Variants in CADPS2 observed in about 807,000 individuals in gnomAD.
CADPS2 encodes the protein calcium dependent secretion activator 2.
Under a neutral mutation model 172.5 loss-of-function variants are expected in CADPS2, and 93 were observed. The ratio of observed to expected loss-of-function variants is 0.54; its 90% CI spans 0.46 to 0.64. The LOEUF (loss-of-function observed/expected upper bound fraction) is 0.64. Ranked by LOEUF, CADPS2 falls within the 30% of genes least tolerant of loss-of-function variation. The pLI is 0.00. For synonymous variants in CADPS2, 546 were observed against 555.2 expected (o/e 0.98, Z 0.23); for missense variants, 1,420 against 1,565.9 (o/e 0.91, Z 1.57).
At chr7:122,523,695 C>T (rs2060990215) in intron 8 of CADPS2, among the ~76,000 whole-genome samples, 1 of 152,090 alleles carries the variant, frequency 6.6e-6, no homozygotes, top group Admixed American at 6.6e-5. Context: ...CCACAGGAGG[C>T]ATATTTCATA....
chr7:122,611,351 C>T lies in CADPS2; in HGVS notation c.1223+3830G>A, dbSNP rs555926990. On this transcript the variant is annotated intron_variant, in intron 6 of 29. Coordinates refer to ENST00000449022, the MANE Select transcript of CADPS2 (RefSeq NM_017954.11). The stretch of plus-strand genomic sequence containing the variant: ...GAAAGGCTATTCAAATTACTAGAAT[C>T]GGAAACGGAAAAGAGGACATTATTA... Among the ~76,000 whole-genome samples, 223 of 151,934 alleles carry T rather than the reference C, an allele frequency of 1.5e-3. 1 individual carries two copies. The highest frequency in any genetic ancestry group is 0.014 in the Middle Eastern group (4 of 294).
intron 14 of CADPS2, among the ~76,000 whole-genome samples, chr7:122,463,144 A>G (rs1228301101): frequency 6.6e-6 from 1 of 151,400 alleles, no homozygotes; most frequent in African/African-American, 2.4e-5. Flanking sequence ...CCTAAAGAAT[A>G]CATATATTTT....
intron 2 of CADPS2, among the ~76,000 whole-genome samples, chr7:122,724,710 T>C (rs1044956171): frequency 6.6e-6 from 1 of 152,038 alleles, no homozygotes; most frequent in South Asian, 2.1e-4. Context: ...CCAATCCAGA[T>C]AGAACAAAAC....
chr7:122,418,344 G>C (rs946700438), intron 17 of CADPS2, among the ~76,000 whole-genome samples: 1 of 152,198 alleles, frequency 6.6e-6, no homozygotes, highest in Non-Finnish European at 1.5e-5. Context: ...AAAAAGCAGT[G>C]AAGGTGAGAC....
rs373995792 is a variant in CADPS2 at position 122,480,924 on chromosome 7, T to C, written c.1853-64A>G. On this transcript the variant is annotated intron_variant, in intron 11 of 29. Transcript: ENST00000449022. Reference sequence around the variant, plus strand: ...AAATGGGTTGGGAACTATATACTTATACAACTAGACATTTAATTTTTTATT... The same window carrying C: ...AAATGGGTTGGGAACTATATACTTACACAACTAGACATTTAATTTTTTATT... The C allele has an allele frequency of 2.1e-4, 256 of 1,228,958 alleles. No homozygotes were observed. In the African/African-American group the frequency reaches 3.4e-3, roughly 16 times the overall value. 76.1% of individuals were successfully genotyped at this position (1,228,958 alleles called of 1,614,324 possible).
chr7:122,533,555 G>A (rs1310186246), intron 8 of CADPS2, among the ~76,000 whole-genome samples: 1 of 152,056 alleles, frequency 6.6e-6, no homozygotes, highest in Admixed American at 6.6e-5. Flanking sequence ...CAATATAATG[G>A]GGCTAATGAA....
At chr7:122,880,520 G>A (rs1163371084) in intron 1 of CADPS2, among the ~76,000 whole-genome samples, 1 of 152,012 alleles carries the variant, frequency 6.6e-6, no homozygotes, top group East Asian at 1.9e-4. Context: ...ACTTGTTATT[G>A]CCAATACTTT....
chr7:122,652,578 T>C (rs1563969107), intron 3 of CADPS2, among the ~76,000 whole-genome samples: 3 of 152,322 alleles, frequency 2.0e-5, no homozygotes, highest in East Asian at 1.9e-4. Flanking sequence ...CCTTCACTCC[T>C]GTTCCTTTTT....
chr7:122,444,141 T>C (rs2051786740), intron 15 of CADPS2, among the ~76,000 whole-genome samples: 2 of 152,176 alleles, frequency 1.3e-5, no homozygotes, highest in South Asian at 4.1e-4. Flanking sequence ...TGCTGTTGTA[T>C]ATATCAAGAG....
Position 122,319,128 on chromosome 7 carries a change from TTAAC to T in CADPS2, c.*1033_*1036del, listed in dbSNP as rs1423723451. 3.3e-5 allele frequency: 5 copies of T among 152,250 alleles called. No homozygotes were observed. The highest frequency in any genetic ancestry group is 4.8e-5 in the African/African-American group (2 of 41,546). 9.4% of individuals were successfully genotyped at this position (152,250 alleles called of 1,614,324 possible). A position where few individuals can be genotyped will look rare whatever the true frequency, so the allele number is the denominator to read the frequency against. Reference sequence around the variant, plus strand: ...TATTAGTTAACATTGATTACTAATATTAACTAATAATATATGAAATATATATTTC... The same window carrying T: ...TATTAGTTAACATTGATTACTAATATTAATAATATATGAAATATATATTTC... On this transcript the variant is annotated 3_prime_UTR_variant, in exon 30 of 30. Coordinates refer to ENST00000449022, the MANE Select transcript of CADPS2 (RefSeq NM_017954.11).
At chr7:122,415,957 T>C in intron 18 of CADPS2, 104 bp downstream of exon 18, 1 of 570,324 alleles carries the variant, frequency 1.8e-6, no homozygotes, top group Non-Finnish European at 3.0e-6. Context: ...CGTTAAATGT[T>C]CAGATATGTA....
At chr7:122,471,619 CT>C in intron 13 of CADPS2, 57 bp from the exon 14 acceptor site, 5 of 1,433,364 alleles carry the variant, frequency 3.5e-6, no homozygotes, top group Non-Finnish European at 4.7e-6. Context: ...CTACGATTTG[CT>C]TTCCTGAACG....
At chr7:122,884,896 G>A (rs979961033) in intron 1 of CADPS2, among the ~76,000 whole-genome samples, 1 of 152,168 alleles carries the variant, frequency 6.6e-6, no homozygotes, top group African/African-American at 2.4e-5. Flanking sequence ...CTGAACTACA[G>A]TTATAGTTGA....
In CADPS2 at chr7:122,527,839, G is replaced by A. The variant is rs531649221; in HGVS notation, c.1476-14524C>T. On this transcript the variant is annotated intron_variant, in intron 8 of 29. Coordinates refer to ENST00000449022, the MANE Select transcript of CADPS2 (RefSeq NM_017954.11). ...ATGAATATCCCTTACATGGAAGCAAGTATTGGGAATGGAGAATAAATGTTT... is the reference window on the plus strand; with the variant it reads ...ATGAATATCCCTTACATGGAAGCAAATATTGGGAATGGAGAATAAATGTTT... 4.6e-5 allele frequency among the ~76,000 whole-genome samples: 7 copies of A among 152,172 alleles called. No homozygotes were observed. The South Asian group carries it at 1.2e-3, about 27-fold the overall frequency.
chr7:122,774,177 T>C (rs1037574499), intron 1 of CADPS2, among the ~76,000 whole-genome samples: 5 of 151,916 alleles, frequency 3.3e-5, no homozygotes, highest in Non-Finnish European at 7.4e-5. Context: ...GTCTAAATTA[T>C]TGAAAGTTGA....
At chr7:122,587,238 G>A (rs2069866101) in intron 6 of CADPS2, among the ~76,000 whole-genome samples, 1 of 151,948 alleles carries the variant, frequency 6.6e-6, no homozygotes, top group African/African-American at 2.4e-5. Context: ...GCATGCATTA[G>A]CTATTTTTCC....
At chr7:122,364,288 G>A (rs1202304133) in intron 25 of CADPS2, among the ~76,000 whole-genome samples, 3 of 151,684 alleles carry the variant, frequency 2.0e-5, no homozygotes, top group African/African-American at 7.3e-5. Context: ...GGTGGCGTGT[G>A]CCTGTAGCTT....
chr7:122,346,339 G>T (rs954224607), intron 27 of CADPS2, among the ~76,000 whole-genome samples: 2 of 152,176 alleles, frequency 1.3e-5, no homozygotes, highest in Non-Finnish European at 2.9e-5. Context: ...CTGTACTCCA[G>T]CCTGGGCAAC....
At chr7:122,530,075 C>T (rs1354656687) in intron 8 of CADPS2, among the ~76,000 whole-genome samples, 1 of 151,970 alleles carries the variant, frequency 6.6e-6, no homozygotes, top group Admixed American at 6.6e-5. Context: ...AGAAGATATC[C>T]TCATACTTAA....
Sources: allele counts gnomAD v4.1 joint callset (sites outside exome capture counted in the v4.1 genomes callset), GRCh38; gene constraint gnomAD v4.1.1; transcripts MANE v1.5; gene names NCBI Gene and HGNC (gene_info 2026-07-23, HGNC 2026-07-21).